CAMK4: variants seen among roughly 807,000 people sequenced by gnomAD.
CAMK4 encodes calcium/calmodulin-dependent protein kinase type IV.
A neutral mutation model predicts 44.9 loss-of-function variants in CAMK4; 22 were observed. The observed-to-expected ratio is 0.49, with a 90% CI of 0.35 to 0.70. The LOEUF is 0.70. Among genes scored for constraint, CAMK4 ranks in the 30% least tolerant of loss-of-function variants. The pLI is 0.01. For synonymous variants in CAMK4, 218 were observed against 215.4 expected (o/e 1.01, Z -0.11); for missense variants, 498 against 586.8 (o/e 0.85, Z 1.56).
chr5:111,473,135 T>C (rs571194534), intron 7 of CAMK4, among the ~76,000 whole-genome samples, 176 bp from the exon 8 acceptor site: 5 of 152,326 alleles, frequency 3.3e-5, no homozygotes, highest in African/African-American at 1.2e-4. Context: ...CTATAATCTC[T>C]CCTACTAAAA....
intron 1 of CAMK4, among the ~76,000 whole-genome samples, chr5:111,286,585 G>A (rs1184369411): frequency 6.6e-6 from 1 of 152,116 alleles, no homozygotes; most frequent in African/African-American, 2.4e-5. Flanking sequence ...TCAAGGGCAG[G>A]ACTCAAATCC....
intron 9 of CAMK4, among the ~76,000 whole-genome samples, chr5:111,480,415 C>T (rs1184599868): frequency 6.6e-6 from 1 of 152,070 alleles, no homozygotes; most frequent in Non-Finnish European, 1.5e-5. Flanking sequence ...TCCTTTACCC[C>T]CTGCACTCCC....
At chr5:111,445,345 A>G (rs1414629311) in intron 5 of CAMK4, among the ~76,000 whole-genome samples, 2 of 152,198 alleles carry the variant, frequency 1.3e-5, no homozygotes, top group Admixed American at 6.5e-5. Flanking sequence ...AATGATATAT[A>G]TAAGTAGGAA....
At position 111,226,632 on chromosome 5, in the gene CAMK4, G is replaced by A. The variant is rs62376849; in HGVS notation, c.161+1988G>A. Among the ~76,000 whole-genome samples the A allele has an allele frequency of 3.3e-5, 5 of 152,150 alleles. 1 individual carries two copies. The highest frequency in any genetic ancestry group is 2.1e-4 in the South Asian group (1 of 4,828). On this transcript the variant is annotated intron_variant, in intron 1 of 10. Coordinates refer to ENST00000282356, the MANE Select transcript of CAMK4 (RefSeq NM_001744.6). ...TATTTTATAATAACTGTTAAATACC[G>A]TGTACAGATGGGATTTTGTAGACAT...
chr5:111,392,905 A>G (rs562935219), intron 4 of CAMK4, among the ~76,000 whole-genome samples: 4 of 152,276 alleles, frequency 2.6e-5, no homozygotes, highest in African/African-American at 7.2e-5. Context: ...GCCAACTTGC[A>G]TAGCCTATTA....
intron 5 of CAMK4, among the ~76,000 whole-genome samples, chr5:111,400,489 A>G (rs1752183430): frequency 6.6e-6 from 1 of 152,228 alleles, no homozygotes; most frequent in South Asian, 2.1e-4. Context: ...TTAAAGATTG[A>G]AAAGTTCTTG....
intron 5 of CAMK4, among the ~76,000 whole-genome samples, chr5:111,400,533 C>T (rs1057455583): frequency 1.2e-4 from 18 of 152,132 alleles, no homozygotes; most frequent in African/African-American, 4.3e-4. Flanking sequence ...ATACTCCTTA[C>T]GTAACATATC....
intron 1 of CAMK4, among the ~76,000 whole-genome samples, chr5:111,310,214 A>G (rs889377710): frequency 3.9e-5 from 6 of 152,184 alleles, no homozygotes; most frequent in African/African-American, 1.4e-4. Context: ...TTGCTTTGTT[A>G]TCTCTTTATC....
chr5:111,288,426 A>G (rs865797987), intron 1 of CAMK4, among the ~76,000 whole-genome samples: 10 of 152,168 alleles, frequency 6.6e-5, no homozygotes, highest in African/African-American at 2.2e-4. Flanking sequence ...AGTACCACCA[A>G]TAGTGTATGA....
At chr5:111,460,779 G>T (rs1754616800) in intron 7 of CAMK4, among the ~76,000 whole-genome samples, 2 of 152,098 alleles carry the variant, frequency 1.3e-5, no homozygotes, top group African/African-American at 4.8e-5. Flanking sequence ...AAATGGCAAT[G>T]ACTTCAAGAT....
At chr5:111,427,506 C>T (rs931494464) in intron 5 of CAMK4, among the ~76,000 whole-genome samples, 1 of 152,186 alleles carries the variant, frequency 6.6e-6, no homozygotes, top group African/African-American at 2.4e-5. Context: ...CGCCCTACCC[C>T]AGAGGGGAGC....
intron 5 of CAMK4, among the ~76,000 whole-genome samples, chr5:111,423,475 A>G (rs918286288): frequency 1.1e-4 from 17 of 152,228 alleles, no homozygotes; most frequent in African/African-American, 3.9e-4. Context: ...AACGTGCTAT[A>G]GGTTCTGACC....
intron 2 of CAMK4, among the ~76,000 whole-genome samples, chr5:111,373,938 A>T (rs1320293166): frequency 6.6e-6 from 1 of 152,156 alleles, no homozygotes; most frequent in Non-Finnish European, 1.5e-5. Flanking sequence ...TTGTGATTAA[A>T]GGGGTCAATC....
At chr5:111,402,997 T>G (rs1276319861) in intron 5 of CAMK4, among the ~76,000 whole-genome samples, 2 of 152,176 alleles carry the variant, frequency 1.3e-5, no homozygotes, top group Non-Finnish European at 2.9e-5. Context: ...TACTGAACCG[T>G]TTTTTCAATA....
At position 111,329,001 on chromosome 5, in the gene CAMK4, C is replaced by T. The variant is rs140106801; in HGVS notation, c.162-15023C>T. On this transcript the variant is annotated intron_variant, in intron 1 of 10. Transcript: ENST00000282356. ...TCAATAAAATACTGCAAACCGAATG[C>T]AGCAGCACATCAAAAAGCTTACCCA... is the stretch of plus-strand genomic sequence containing the variant. 5.8e-3 allele frequency among the ~76,000 whole-genome samples: 880 copies of T among 152,020 alleles called. 7 individuals are homozygous for T. The highest frequency in any genetic ancestry group is 0.014 in the Middle Eastern group (4 of 294).
At chr5:111,359,019 A>G (rs1750491843) in intron 2 of CAMK4, among the ~76,000 whole-genome samples, 1 of 152,186 alleles carries the variant, frequency 6.6e-6, no homozygotes, top group Non-Finnish European at 1.5e-5. Flanking sequence ...GCTAGTGTGA[A>G]CAGTGCTGCA....
intron 7 of CAMK4, among the ~76,000 whole-genome samples, chr5:111,472,017 C>T (rs1302729296): frequency 6.6e-6 from 1 of 151,998 alleles, no homozygotes; most frequent in South Asian, 2.1e-4. Flanking sequence ...CTCAGCCTCC[C>T]GAGTAGCTGG....
chr5:111,280,580 A>G (rs142384093), intron 1 of CAMK4, among the ~76,000 whole-genome samples: 4 of 152,346 alleles, frequency 2.6e-5, no homozygotes, highest in Admixed American at 6.5e-5. Context: ...TTCTAAATAC[A>G]GTTGTTTCTA....
chr5:111,458,792 GA>G (rs1486963828), intron 7 of CAMK4, among the ~76,000 whole-genome samples: 1 of 152,170 alleles, frequency 6.6e-6, no homozygotes, highest in African/African-American at 2.4e-5. Flanking sequence ...AGGTGAAGGG[GA>G]TGGGGCACAC....
Sources: allele counts gnomAD v4.1 joint callset (sites outside exome capture counted in the v4.1 genomes callset), GRCh38; gene constraint gnomAD v4.1.1; transcripts MANE v1.5; gene names NCBI Gene and HGNC (gene_info 2026-07-23, HGNC 2026-07-21).